Variants in ZNF789 observed in about 807,000 individuals in gnomAD.
The protein encoded by ZNF789 is zinc finger protein 789.
A neutral mutation model predicts 15.6 loss-of-function variants in ZNF789; 11 were observed. That is an observed-to-expected ratio of 0.70 (90% CI 0.44 to 1.16). The LOEUF is 1.16. ZNF789 is among the 50% of genes most tolerant of loss of function. The pLI is 0.00. For synonymous variants in ZNF789, 159 were observed against 176.0 expected, an observed-to-expected ratio of 0.90 and a Z score of 0.76; for missense variants, 461 against 512.6, an observed-to-expected ratio of 0.90 and a Z score of 0.97.
intron 3 of ZNF789, chr7:99,483,706 C>T (rs573533228): frequency 5.6e-5 from 44 of 780,998 alleles, no homozygotes; most frequent in African/African-American, 8.4e-5. Context: ...TAATGTGCTA[C>T]GCTTGATTTA....
chr7:99,481,102 T>G (rs1016732783), intron 3 of ZNF789: 3 of 152,250 alleles, frequency 2.0e-5, no homozygotes, highest in Non-Finnish European at 4.4e-5. Flanking sequence ...ATATTCTATG[T>G]GCAATCCTGT....
intron 3 of ZNF789, 145 bp downstream of exon 3, chr7:99,479,932 C>T: frequency 1.8e-6 from 2 of 1,094,832 alleles, no homozygotes; most frequent in Non-Finnish European, 2.5e-6. Flanking sequence ...AAGCCCTGAC[C>T]AGACATCACC....
chr7:99,477,363 G>A (rs550175596), intron 2 of ZNF789, among the ~76,000 whole-genome samples: 33 of 151,616 alleles, frequency 2.2e-4, no homozygotes, highest in African/African-American at 7.0e-4. Context: ...TTTTTTAGAC[G>A]GAGTCTCACA....
chr7:99,484,686 T>C (rs1282656866), intron 4 of ZNF789, among the ~76,000 whole-genome samples: 1 of 151,920 alleles, frequency 6.6e-6, no homozygotes, highest in Non-Finnish European at 1.5e-5. Context: ...CCCAGCACTT[T>C]GGGAGGCAGA....
intron 3 of ZNF789, chr7:99,482,086 CT>C: frequency 1.3e-6 from 1 of 772,526 alleles, no homozygotes; most frequent in South Asian, 1.4e-5. Context: ...AAGAAATTCA[CT>C]TATGTTTCAT....
chr7:99,475,882 G>A (rs1315501605), intron 1 of ZNF789, among the ~76,000 whole-genome samples: 2 of 144,524 alleles, frequency 1.4e-5, no homozygotes, highest in South Asian at 2.2e-4. Context: ...TCAGTTCACT[G>A]CAACCTCCGC....
intron 3 of ZNF789, chr7:99,482,166 A>T (rs1332250885): frequency 1.3e-6 from 1 of 779,126 alleles, no homozygotes; most frequent in East Asian, 2.4e-5. Context: ...TATTCAGTTT[A>T]TTTCCAGTTT....
intron 2 of ZNF789, among the ~76,000 whole-genome samples, chr7:99,477,218 C>CT (rs2151054138): frequency 6.6e-6 from 1 of 151,082 alleles, no homozygotes; most frequent in East Asian, 2.0e-4. Context: ...AATTTTTGTA[C>CT]TTTTAGTAGA....
At position 99,487,257 on chromosome 7, in the gene ZNF789, CT is replaced by C; in HGVS notation, c.1050del (p.Phe350LeufsTer107). 1 of 1,614,176 alleles carries C rather than the reference CT, an allele frequency of 6.2e-7. No individual in the cohort carries two copies. The highest frequency in any genetic ancestry group is 8.5e-7 in the Non-Finnish European group (1 of 1,180,036). On this transcript the variant is annotated frameshift_variant, in exon 5 of 5. Transcript: ENST00000331410. LOFTEE classifies it low-confidence loss of function (END_TRUNC). ...THKCSECGQS[F>X]GRNVDLIQHQ... ...ATAAATGCAGTGAATGTGGACAGTC[CT>C]TTGGTAGGAATGTGGATCTCATTCA...
chr7:99,476,647 A>T (rs1799350936), intron 2 of ZNF789, among the ~76,000 whole-genome samples, 167 bp downstream of exon 2: 1 of 152,114 alleles, frequency 6.6e-6, no homozygotes, highest in Admixed American at 6.5e-5. Flanking sequence ...TTACATAAAC[A>T]CTCTGGCTCC....
chr7:99,486,999 A>G lies in ZNF789; in HGVS notation c.789A>G (p.Gly263=), dbSNP rs1429765709. Residue 263 remains glycine (G), a synonymous_variant, in exon 5 of 5, where the codon GGA becomes GGG. Transcript: ENST00000331410. ...AGCCATACAGATGTCATGACTGTGGAAAGTGTTTTCGGCAGCTCGCGTATC... is the reference window on the plus strand; with the variant it reads ...AGCCATACAGATGTCATGACTGTGGGAAGTGTTTTCGGCAGCTCGCGTATC... The part of the protein sequence containing the change: ...QNKPYRCHDC[G]KCFRQLAYLV... 3 of 1,614,172 alleles carry G rather than the reference A, an allele frequency of 1.9e-6. No homozygotes were observed. The highest frequency in any genetic ancestry group is 1.7e-5 in the Admixed American group (1 of 60,000).
chr7:99,487,043 T>C lies in ZNF789; in HGVS notation c.833T>C (p.Ile278Thr), dbSNP rs1215707727. 6.2e-7 allele frequency: 1 copy of C among 1,613,874 alleles called. No homozygotes were observed. Among genetic ancestry groups the C allele is most frequent in the African/African-American group, 1.3e-5 (1 of 74,896 alleles). The change falls in exon 5 of 5, where the codon ATT becomes ACT. Residue 278 changes from isoleucine (I) to threonine (T), a missense_variant. By Grantham distance (89) the Ile-to-Thr change is moderately conservative (BLOSUM62 -1). Coordinates refer to ENST00000331410, the MANE Select transcript of ZNF789 (RefSeq NM_213603.3). ...GCGTATCTTGTTGAACATAAGAGGA[T>C]TCACACCAAAGAAAAACCTTATAAA... ...QLAYLVEHKR[I>T]HTKEKPYKCS... is the part of the protein sequence containing the mutation.
chr7:99,486,835 G>C lies in ZNF789; in HGVS notation c.625G>C (p.Val209Leu). ...TTATGAATGCAGTGAATGTGGAAAA[G>C]TCATTAGGCGTAAGGCATGGTTTGA... Reference protein sequence around the residue: ...KSYECSECGKVIRRKAWFDQH... With the variant: ...KSYECSECGKLIRRKAWFDQH... The change falls in exon 5 of 5, where the codon GTC becomes CTC. Residue 209 changes from valine (V) to leucine (L), a missense_variant. Coordinates refer to ENST00000331410, the MANE Select transcript of ZNF789 (RefSeq NM_213603.3). 1 of 1,614,134 alleles carries C rather than the reference G, an allele frequency of 6.2e-7. No homozygotes were observed. The highest frequency in any genetic ancestry group is 8.5e-7 in the Non-Finnish European group (1 of 1,180,032).
At chr7:99,473,855 A>G (rs13437771) in intron 1 of ZNF789, among the ~76,000 whole-genome samples, 55,022 of 151,916 alleles carry the variant, frequency 0.36, 15,698 homozygotes, top group African/African-American at 0.79. Context: ...TCCTGACCTC[A>G]TGATCCGCCC....
Position 99,487,561 on chromosome 7 carries a change from T to C in ZNF789, c.*73T>C. 1 of 1,503,560 alleles carries C rather than the reference T, an allele frequency of 6.7e-7. No individual in the cohort carries two copies. The highest frequency in any genetic ancestry group is 1.3e-5 in the South Asian group (1 of 75,260). The allele number at this position is 1,503,560 out of a possible 1,614,324, so 93.1% of individuals were successfully genotyped here. A position where few individuals can be genotyped will look rare whatever the true frequency, so the allele number is the denominator to read the frequency against. On this transcript the variant is annotated 3_prime_UTR_variant, in exon 5 of 5. Coordinates refer to ENST00000331410, the MANE Select transcript of ZNF789 (RefSeq NM_213603.3). ...ACTTCAAGTGTGTATCACGTAATTG[T>C]TTCCATGAAAAGCAATAAATGTAAC...
chr7:99,487,527 T>G lies in ZNF789; in HGVS notation c.*39T>G, dbSNP rs143259334. 2 of 1,571,016 alleles carry G rather than the reference T, an allele frequency of 1.3e-6. No homozygotes were observed. Among genetic ancestry groups the G allele is most frequent in the Non-Finnish European group, 1.7e-6 (2 of 1,159,238 alleles). ...GCAGTCATTGGAGAACTAGAACTTA[T>G]AAACCTCTACTTCAAGTGTGTATCA... On this transcript the variant is annotated 3_prime_UTR_variant, in exon 5 of 5. Transcript: ENST00000331410.
At chr7:99,483,804 C>T (rs768912087) in intron 3 of ZNF789, 8 of 780,908 alleles carry the variant, frequency 1.0e-5, no homozygotes, top group Non-Finnish European at 1.9e-5. Context: ...ATCTTGGTTG[C>T]AATTGTACTT....
rs551358560 is a variant in ZNF789, at chr7:99,475,968, G to A, written c.-54-435G>A. On this transcript the variant is annotated intron_variant, in intron 1 of 4. Transcript: ENST00000331410. ...TACAGGTGCCTGCCACCTCGCCCAGGTAATTTTTTGTATTTTAGTAGAGAA... is the reference window on the plus strand; with the variant it reads ...TACAGGTGCCTGCCACCTCGCCCAGATAATTTTTTGTATTTTAGTAGAGAA... Among the ~76,000 whole-genome samples, 243 of 151,900 alleles carry A rather than the reference G, an allele frequency of 1.6e-3. 1 individual carries two copies. Among genetic ancestry groups the A allele is most frequent in the African/African-American group, 5.5e-3 (227 of 41,424 alleles).
chr7:99,479,715 C>G lies in ZNF789; in HGVS notation c.79C>G (p.His27Asp). ...GTACTTCACCAGAGAGGAGTGGGGC[C>G]ACCTCAACTGGGGTCAGAAGGACCT... The part of the protein sequence containing the change: ...AMYFTREEWG[H>D]LNWGQKDLYR... The change falls in exon 3 of 5, where the codon CAC becomes GAC. Residue 27 changes from histidine (H) to aspartate (D), a missense_variant. Coordinates refer to ENST00000331410, the MANE Select transcript of ZNF789 (RefSeq NM_213603.3). 4 of 1,613,804 alleles carry G rather than the reference C, an allele frequency of 2.5e-6. No individual in the cohort carries two copies. The highest frequency in any genetic ancestry group is 3.4e-6 in the Non-Finnish European group (4 of 1,179,878).
Sources: allele counts gnomAD v4.1 joint callset (sites outside exome capture counted in the v4.1 genomes callset), GRCh38; gene constraint gnomAD v4.1.1; transcripts MANE v1.5; gene names NCBI Gene and HGNC (gene_info 2026-07-23, HGNC 2026-07-21).